The following PRKN variants were observed in gnomAD, a reference collection of about 807,000 sequenced individuals.
PRKN encodes E3 ubiquitin-protein ligase parkin.
PRKN carries 56 observed loss-of-function variants against 59.5 expected under a neutral mutation model. The observed-to-expected ratio is 0.94, with a 90% CI of 0.76 to 1.18. PRKN has a LOEUF of 1.18. Ranked by LOEUF, PRKN falls within the 50% of genes most tolerant of loss-of-function variation. The pLI is 0.00. For missense variants in PRKN, 657 were observed against 596.4 expected (o/e 1.10, Z -1.06); for synonymous variants, 250 against 222.1 (o/e 1.13, Z -1.12).
At chr6:161,609,987 C>A (rs1186499994) in intron 7 of PRKN, among the ~76,000 whole-genome samples, 1 of 152,126 alleles carries the variant, frequency 6.6e-6, no homozygotes, top group East Asian at 1.9e-4. Flanking sequence ...TTTTTAAGGT[C>A]ATCATTTGAT....
chr6:162,710,436 A>G (rs1778495221), intron 1 of PRKN, among the ~76,000 whole-genome samples: 1 of 144,694 alleles, frequency 6.9e-6, no homozygotes, highest in African/African-American at 2.8e-5. Flanking sequence ...ATGATGAGGA[A>G]GAAAGGAACT....
intron 2 of PRKN, among the ~76,000 whole-genome samples, chr6:162,272,059 T>A (rs1780414546): frequency 6.6e-6 from 1 of 152,122 alleles, no homozygotes; most frequent in South Asian, 2.1e-4. Flanking sequence ...ACCACAGGCC[T>A]GAGACCTTTC....
intron 6 of PRKN, among the ~76,000 whole-genome samples, chr6:161,962,564 G>A (rs1210416987): frequency 3.4e-5 from 5 of 145,888 alleles, no homozygotes; most frequent in Admixed American, 6.9e-5. Flanking sequence ...TTTTTGAGAC[G>A]GAGTCTCGCT....
intron 2 of PRKN, among the ~76,000 whole-genome samples, chr6:162,347,748 T>C (rs113110219): frequency 2.6e-5 from 4 of 152,314 alleles, no homozygotes; most frequent in African/African-American, 9.6e-5. Flanking sequence ...GCTGAAATGA[T>C]CTATTTCTTC....
At chr6:161,771,597 A>C (rs1263090839) in intron 7 of PRKN, among the ~76,000 whole-genome samples, 1 of 152,244 alleles carries the variant, frequency 6.6e-6, no homozygotes, top group East Asian at 1.9e-4. Flanking sequence ...GGTGATGTCT[A>C]GTAATGGTTC....
intron 2 of PRKN, among the ~76,000 whole-genome samples, chr6:162,396,302 G>A (rs1004553563): frequency 2.0e-5 from 3 of 152,168 alleles, no homozygotes; most frequent in African/African-American, 4.8e-5. Flanking sequence ...TGTGTTCCTC[G>A]TGTTTGAACA....
intron 5 of PRKN, among the ~76,000 whole-genome samples, chr6:162,020,847 G>T (rs1156645657): frequency 6.6e-6 from 1 of 151,918 alleles, no homozygotes; most frequent in Non-Finnish European, 1.5e-5. Flanking sequence ...GCTCATGCCT[G>T]TAATCCCAGC....
rs1168164265 is a variant in PRKN, at chr6:162,044,267, A to G, written c.618+9824T>C. On this transcript the variant is annotated intron_variant, in intron 5 of 11. Coordinates refer to ENST00000366898, the MANE Select transcript of PRKN (RefSeq NM_004562.3). ...ACTTCAACATGCTGAGATTACGCCTATTACGCTAATGAACTTCTACAGGAA... is the reference window on the plus strand; with the variant it reads ...ACTTCAACATGCTGAGATTACGCCTGTTACGCTAATGAACTTCTACAGGAA... Among the ~76,000 whole-genome samples, 11 of 152,194 alleles carry G rather than the reference A, an allele frequency of 7.2e-5. 1 individual carries two copies. The highest frequency in any genetic ancestry group is 7.2e-4 in the Admixed American group (11 of 15,280).
At chr6:161,367,374 G>A (rs529230506) in intron 10 of PRKN, among the ~76,000 whole-genome samples, 3 of 152,120 alleles carry the variant, frequency 2.0e-5, no homozygotes, top group Non-Finnish European at 2.9e-5. Flanking sequence ...TGGGGTTCAC[G>A]CTGACCTCCT....
At chr6:161,408,252 C>T (rs1787366271) in intron 9 of PRKN, among the ~76,000 whole-genome samples, 1 of 143,044 alleles carries the variant, frequency 7.0e-6, no homozygotes, top group Non-Finnish European at 1.5e-5. Flanking sequence ...AAATGGTCAT[C>T]ATTAAACATG....
At chr6:162,015,370 G>GA (rs1782896233) in intron 5 of PRKN, among the ~76,000 whole-genome samples, 1 of 151,990 alleles carries the variant, frequency 6.6e-6, no homozygotes, top group South Asian at 2.1e-4. Context: ...AGAAACTAGA[G>GA]AAAAAAAGAG....
At chr6:162,293,610 C>A (rs1223508205) in intron 2 of PRKN, among the ~76,000 whole-genome samples, 3 of 152,154 alleles carry the variant, frequency 2.0e-5, no homozygotes, top group Non-Finnish European at 2.9e-5. Flanking sequence ...CACCTCAAGC[C>A]CGGTGGAAGC....
intron 2 of PRKN, among the ~76,000 whole-genome samples, chr6:162,314,941 G>A (rs887840338): frequency 2.0e-5 from 3 of 152,084 alleles, no homozygotes; most frequent in African/African-American, 7.2e-5. Flanking sequence ...TATATAATTG[G>A]TTTTTCGAAA....
intron 1 of PRKN, among the ~76,000 whole-genome samples, chr6:162,557,166 T>C (rs1779641878): frequency 6.6e-6 from 1 of 152,184 alleles, no homozygotes; most frequent in Admixed American, 6.5e-5. Context: ...AAGGCTCCAG[T>C]TTGGAAGACT....
intron 7 of PRKN, among the ~76,000 whole-genome samples, chr6:161,748,922 T>G (rs16893009): frequency 1.3e-5 from 2 of 152,182 alleles, no homozygotes; most frequent in Non-Finnish European, 2.9e-5. Context: ...TTGCCTGTCA[T>G]GTGTATTCCA....
chr6:162,231,824 A>G (rs1428698063), intron 3 of PRKN, among the ~76,000 whole-genome samples: 1 of 152,268 alleles, frequency 6.6e-6, no homozygotes, highest in Non-Finnish European at 1.5e-5. Flanking sequence ...AGAGAGAAAA[A>G]TATATATGAA....
intron 1 of PRKN, among the ~76,000 whole-genome samples, chr6:162,557,808 C>T (rs879327068): frequency 3.9e-5 from 6 of 152,168 alleles, no homozygotes; most frequent in Admixed American, 2.6e-4. Context: ...CTATGCTCGG[C>T]GGATGGTGCT....
Position 161,579,840 on chromosome 6 carries a change from C to T in PRKN, c.872-10424G>A, listed in dbSNP as rs1781269199. ...TATTTTAAATTCATTTCAGTACTTT[C>T]CCTTGTCACTTTAGTTCTGTGCATT... On this transcript the variant is annotated intron_variant, in intron 7 of 11. Coordinates refer to ENST00000366898, the MANE Select transcript of PRKN (RefSeq NM_004562.3). This position sits in a 1 kb window ranked among gnomAD's most constrained non-coding sequence, Gnocchi z 4.2. Among the ~76,000 whole-genome samples, 1 of 152,096 alleles carries T rather than the reference C, an allele frequency of 6.6e-6. No homozygotes were observed. The highest frequency in any genetic ancestry group is 6.6e-5 in the Admixed American group (1 of 15,256).
intron 1 of PRKN, among the ~76,000 whole-genome samples, chr6:162,602,238 C>T (rs1046678948): frequency 2.0e-5 from 3 of 152,008 alleles, no homozygotes; most frequent in Admixed American, 1.3e-4. Context: ...GATGAGGTGG[C>T]GTTGAGAGGG....
Sources: allele counts gnomAD v4.1 joint callset (sites outside exome capture counted in the v4.1 genomes callset), GRCh38; gene constraint gnomAD v4.1.1; non-coding constraint Gnocchi (gnomAD v3.1); transcripts MANE v1.5; gene names NCBI Gene and HGNC (gene_info 2026-07-23, HGNC 2026-07-21).